CCDC102B: variants seen among roughly 807,000 people sequenced by gnomAD.
The protein encoded by CCDC102B is coiled-coil domain-containing protein 102B.
CCDC102B carries 75 observed loss-of-function variants against 57.4 expected under a neutral mutation model. The ratio of observed to expected loss-of-function variants is 1.31; its 90% CI spans 1.08 to 1.58. The LOEUF (loss-of-function observed/expected upper bound fraction) is 1.58. CCDC102B is among the 40% of genes most tolerant of loss of function. The pLI is 0.00. For synonymous variants in CCDC102B, 206 were observed against 201.9 expected (o/e 1.02, Z -0.17); for missense variants, 636 against 582.6 (o/e 1.09, Z -0.94).
intron 7 of CCDC102B, among the ~76,000 whole-genome samples, chr18:69,030,204 A>G (rs1460473809): frequency 6.6e-6 from 1 of 152,218 alleles, no homozygotes; most frequent in African/African-American, 2.4e-5. Flanking sequence ...ATATTTTTAA[A>G]AATTACTCTG....
At chr18:68,767,944 A>C (rs998263212) in intron 2 of CCDC102B, among the ~76,000 whole-genome samples, 6 of 152,160 alleles carry the variant, frequency 3.9e-5, no homozygotes, top group African/African-American at 1.4e-4. Flanking sequence ...ATACTTATAT[A>C]TAGTTTAAGA....
rs1209624786 is a variant in CCDC102B at position 68,836,837 on chromosome 18, C to T, written c.74C>T (p.Ser25Leu). 1 of 1,613,982 alleles carries T rather than the reference C, an allele frequency of 6.2e-7. No homozygotes were observed. Among genetic ancestry groups the T allele is most frequent in the African/African-American group, 1.3e-5 (1 of 75,002 alleles). ...CAGATGCAACAATCATCAATTAAGT[C>T]ACGCGGCGACATGGTGGCACCTGCC... ...IFQMQQSSIK[S>L]RGDMVAPASP... is the part of the protein sequence containing the mutation. The change falls in exon 2 of 8, where the codon TCA (serine) becomes TTA (leucine). Residue 25 changes from serine to leucine, a missense_variant. Transcript: ENST00000360242.
intron 5 of CCDC102B, among the ~76,000 whole-genome samples, chr18:68,893,288 G>T (rs554459315): frequency 2.0e-5 from 3 of 152,222 alleles, no homozygotes; most frequent in African/African-American, 7.2e-5. Flanking sequence ...AAGAAAAATT[G>T]AGGCAATCAG....
chr18:68,915,111 A>G (rs2041021775), intron 6 of CCDC102B, among the ~76,000 whole-genome samples: 1 of 152,214 alleles, frequency 6.6e-6, no homozygotes, highest in Admixed American at 6.5e-5. Context: ...TATATCTTCT[A>G]GTTACATTTA....
chr18:68,971,766 C>T (rs1283725758), intron 6 of CCDC102B, among the ~76,000 whole-genome samples: 3 of 152,090 alleles, frequency 2.0e-5, no homozygotes, highest in Admixed American at 2.0e-4. Flanking sequence ...AAACCCAGTG[C>T]TTATTAATAA....
chr18:68,819,240 C>T (rs571649780), intron 1 of CCDC102B, among the ~76,000 whole-genome samples: 11 of 152,148 alleles, frequency 7.2e-5, no homozygotes, highest in African/African-American at 2.4e-4. Context: ...TTTTGTTTTA[C>T]ACTTTTAGTG....
chr18:69,053,810 T>C (rs1350043449), intron 7 of CCDC102B, among the ~76,000 whole-genome samples: 1 of 151,952 alleles, frequency 6.6e-6, no homozygotes, highest in Non-Finnish European at 1.5e-5. Flanking sequence ...ATTTATGATA[T>C]ACAACATGAT....
chr18:68,945,122 C>CACA (rs369066554), intron 6 of CCDC102B, among the ~76,000 whole-genome samples: 3 of 143,942 alleles, frequency 2.1e-5, no homozygotes, highest in Non-Finnish European at 4.5e-5. Flanking sequence ...CTCTCTCTCT[C>CACA]CACACACACA....
chr18:68,827,584 G>C (rs1015985589), intron 1 of CCDC102B, among the ~76,000 whole-genome samples: 2 of 151,916 alleles, frequency 1.3e-5, no homozygotes, highest in Non-Finnish European at 2.9e-5. Flanking sequence ...AGAAATGCAG[G>C]GACGAGAAAG....
At chr18:68,984,523 G>C (rs1489690916) in intron 6 of CCDC102B, among the ~76,000 whole-genome samples, 1 of 152,056 alleles carries the variant, frequency 6.6e-6, no homozygotes, top group African/African-American at 2.4e-5. Context: ...CTTCTCCCTA[G>C]AAACTATTTT....
chr18:68,933,706 T>C (rs1450837287), intron 6 of CCDC102B, among the ~76,000 whole-genome samples: 1 of 151,926 alleles, frequency 6.6e-6, no homozygotes, highest in Non-Finnish European at 1.5e-5. Flanking sequence ...TACAATCATA[T>C]CAGTTCCAAA....
chr18:68,823,032 T>TG (rs1189206764), intron 1 of CCDC102B, among the ~76,000 whole-genome samples: 2 of 152,120 alleles, frequency 1.3e-5, no homozygotes, highest in African/African-American at 4.8e-5. Flanking sequence ...CTGATTGGTC[T>TG]GGGGCCAAGC....
At chr18:69,022,193 C>CTATATATATATATATATATATA (rs57226048) in intron 7 of CCDC102B, among the ~76,000 whole-genome samples, 12 of 142,082 alleles carry the variant, frequency 8.4e-5, no homozygotes, top group African/African-American at 2.9e-4. Context: ...ATCCTTTAGC[C>CTATATATATATATATATATATA]TATATATATA....
At chr18:68,861,519 A>G (rs1258378163) in intron 4 of CCDC102B, among the ~76,000 whole-genome samples, 1 of 152,102 alleles carries the variant, frequency 6.6e-6, no homozygotes, top group East Asian at 1.9e-4. Context: ...AGACCAGAGT[A>G]GCATTTAGCC....
chr18:68,773,302 C>A (rs1568242605), intron 2 of CCDC102B, among the ~76,000 whole-genome samples: 1 of 151,946 alleles, frequency 6.6e-6, no homozygotes, highest in Non-Finnish European at 1.5e-5. Flanking sequence ...AGTAACATGG[C>A]AGAGGAGCCT....
chr18:68,901,109 A>T (rs893434312), intron 6 of CCDC102B, among the ~76,000 whole-genome samples: 1 of 152,146 alleles, frequency 6.6e-6, no homozygotes, highest in African/African-American at 2.4e-5. Context: ...GTTAGACACA[A>T]CTTCCAGGAA....
At chr18:69,006,293 G>T (rs1034200939) in intron 6 of CCDC102B, among the ~76,000 whole-genome samples, 2 of 152,018 alleles carry the variant, frequency 1.3e-5, no homozygotes, top group African/African-American at 4.8e-5. Context: ...ACTATAACAC[G>T]TACGGAAAGA....
At chr18:69,015,120 T>G (rs1296201808) in intron 7 of CCDC102B, among the ~76,000 whole-genome samples, 2 of 152,200 alleles carry the variant, frequency 1.3e-5, no homozygotes, top group Non-Finnish European at 2.9e-5. Context: ...GCAAATGGAA[T>G]GCGTGCCGTT....
intron 6 of CCDC102B, among the ~76,000 whole-genome samples, chr18:68,916,156 T>C (rs2041066679): frequency 6.6e-6 from 1 of 151,930 alleles, no homozygotes; most frequent in Non-Finnish European, 1.5e-5. Flanking sequence ...AATAAATAGA[T>C]AGATAGATAG....
Sources: allele counts gnomAD v4.1 joint callset (sites outside exome capture counted in the v4.1 genomes callset), GRCh38; gene constraint gnomAD v4.1.1; transcripts MANE v1.5; gene names NCBI Gene and HGNC (gene_info 2026-07-23, HGNC 2026-07-21).